WWOX: variants seen among roughly 807,000 people sequenced by gnomAD.
WWOX encodes WW domain containing oxidoreductase.
A neutral mutation model predicts 46.2 loss-of-function variants in WWOX; 69 were observed. The ratio of observed to expected loss-of-function variants is 1.49; its 90% CI spans 1.23 to 1.82. WWOX has a LOEUF of 1.82. Among genes scored for constraint, WWOX ranks in the 40% most tolerant of loss-of-function variants. The pLI is 0.00. For synonymous variants in WWOX, 359 were observed against 202.6 expected, an observed-to-expected ratio of 1.77 and a Z score of -6.56; for missense variants, 919 against 542.6, an observed-to-expected ratio of 1.69 and a Z score of -6.89.
intron 8 of WWOX, among the ~76,000 whole-genome samples, chr16:78,905,254 G>A (rs371675995): frequency 7.2e-5 from 11 of 152,138 alleles, no homozygotes; most frequent in South Asian, 4.1e-4. Flanking sequence ...AGAAAATTGC[G>A]TGCTAATTTC....
At chr16:78,650,112 G>C (rs1435287353) in intron 8 of WWOX, among the ~76,000 whole-genome samples, 1 of 152,184 alleles carries the variant, frequency 6.6e-6, no homozygotes, top group Non-Finnish European at 1.5e-5. Flanking sequence ...AGGAAGGAGG[G>C]AAGAAAAGGG....
intron 8 of WWOX, among the ~76,000 whole-genome samples, chr16:78,438,890 T>G (rs1300162551): frequency 2.0e-5 from 3 of 152,162 alleles, no homozygotes; most frequent in Admixed American, 6.5e-5. Flanking sequence ...GATGTCATTC[T>G]TCTAACCTTC....
intron 8 of WWOX, among the ~76,000 whole-genome samples, chr16:78,880,421 C>T (rs1315823399): frequency 2.6e-5 from 4 of 152,314 alleles, no homozygotes; most frequent in Admixed American, 2.6e-4. Context: ...AAATGAGTTA[C>T]AAATCCTCAT....
chr16:78,371,135 C>G (rs2081673114), intron 5 of WWOX, among the ~76,000 whole-genome samples: 1 of 151,942 alleles, frequency 6.6e-6, no homozygotes, highest in Non-Finnish European at 1.5e-5. Flanking sequence ...GGTAATTTTA[C>G]TTAAGTATAT....
chr16:78,411,893 C>A (rs111879138), intron 6 of WWOX, among the ~76,000 whole-genome samples: 1 of 152,106 alleles, frequency 6.6e-6, no homozygotes, highest in African/African-American at 2.4e-5. Flanking sequence ...CAGAGGAGAG[C>A]GGAGAGGGAA....
intron 8 of WWOX, among the ~76,000 whole-genome samples, chr16:78,536,295 G>A (rs2043757555): frequency 6.6e-6 from 1 of 152,046 alleles, no homozygotes; most frequent in Non-Finnish European, 1.5e-5. Flanking sequence ...GAGGGTCTGA[G>A]TTTCTCAGCT....
chr16:78,844,494 A>C (rs1345211448), intron 8 of WWOX, among the ~76,000 whole-genome samples: 1 of 152,106 alleles, frequency 6.6e-6, no homozygotes, highest in Admixed American at 6.5e-5. Flanking sequence ...TGAATCTCAT[A>C]ATGGAAAACA....
intron 5 of WWOX, among the ~76,000 whole-genome samples, chr16:78,205,862 T>C (rs2036375366): frequency 6.6e-6 from 1 of 151,722 alleles, no homozygotes; most frequent in African/African-American, 2.4e-5. Flanking sequence ...CCTTCCTTCC[T>C]TCCTTCCGTC....
At chr16:79,083,823 G>C (rs897312831) in intron 8 of WWOX, among the ~76,000 whole-genome samples, 1 of 152,198 alleles carries the variant, frequency 6.6e-6, no homozygotes, top group Non-Finnish European at 1.5e-5. Flanking sequence ...TTATGTATTT[G>C]TATAGGAGAC....
intron 8 of WWOX, among the ~76,000 whole-genome samples, chr16:78,668,180 T>G (rs919419420): frequency 3.3e-5 from 5 of 152,118 alleles, no homozygotes; most frequent in African/African-American, 1.2e-4. Flanking sequence ...CTCGGGAGGC[T>G]GGGACAGAAG....
intron 8 of WWOX, among the ~76,000 whole-genome samples, chr16:78,904,544 C>T (rs1377307802): frequency 6.6e-6 from 1 of 152,028 alleles, no homozygotes; most frequent in African/African-American, 2.4e-5. Flanking sequence ...CCATAAATGT[C>T]TTTTCTGGGT....
At chr16:78,840,843 A>G (rs7194700) in intron 8 of WWOX, among the ~76,000 whole-genome samples, 128,580 of 151,984 alleles carry the variant, frequency 0.85, 54,662 homozygotes, top group Middle Eastern at 0.9. Flanking sequence ...ATAAATTGGT[A>G]ATCCCCCAGG....
chr16:78,793,563 C>T (rs1173878451), intron 8 of WWOX, among the ~76,000 whole-genome samples: 1 of 152,116 alleles, frequency 6.6e-6, no homozygotes, highest in African/African-American at 2.4e-5. Flanking sequence ...TGGTTATTAG[C>T]ATAAAACACA....
At chr16:78,760,427 T>C (rs2049763909) in intron 8 of WWOX, among the ~76,000 whole-genome samples, 1 of 152,158 alleles carries the variant, frequency 6.6e-6, no homozygotes, top group African/African-American at 2.4e-5. Flanking sequence ...TTAATCACAC[T>C]TGCATTTGAT....
chr16:78,532,481 T>A (rs1203845824), intron 8 of WWOX, among the ~76,000 whole-genome samples: 1 of 152,176 alleles, frequency 6.6e-6, no homozygotes, highest in Non-Finnish European at 1.5e-5. Flanking sequence ...TAAGGATTGA[T>A]ACTAGCTAGG....
intron 8 of WWOX, among the ~76,000 whole-genome samples, chr16:78,607,181 G>T (rs1160668100): frequency 6.6e-6 from 1 of 151,836 alleles, no homozygotes; most frequent in Non-Finnish European, 1.5e-5. Context: ...TAAATACACA[G>T]TTAATAAAAT....
At chr16:78,686,939 C>T (rs1469219847) in intron 8 of WWOX, among the ~76,000 whole-genome samples, 1 of 152,194 alleles carries the variant, frequency 6.6e-6, no homozygotes, top group Non-Finnish European at 1.5e-5. Context: ...CATATCCAAG[C>T]AGCTAAGGCT....
intron 5 of WWOX, among the ~76,000 whole-genome samples, chr16:78,251,889 A>G (rs552472545): frequency 6.6e-6 from 1 of 152,360 alleles, no homozygotes; most frequent in Non-Finnish European, 1.5e-5. Context: ...TCATTTATCC[A>G]TGCTATCTCT....
chr16:79,137,891 G>C (rs965372071), intron 8 of WWOX, among the ~76,000 whole-genome samples: 1 of 152,120 alleles, frequency 6.6e-6, no homozygotes, highest in Non-Finnish European at 1.5e-5. Context: ...AAGTTAGGGG[G>C]TGGGGGACTC....
Sources: allele counts gnomAD v4.1 joint callset (sites outside exome capture counted in the v4.1 genomes callset), GRCh38; gene constraint gnomAD v4.1.1; transcripts MANE v1.5; gene names NCBI Gene and HGNC (gene_info 2026-07-23, HGNC 2026-07-21).